HMGB1: variants seen among roughly 807,000 people sequenced by gnomAD.
HMGB1 encodes high mobility group protein B1.
For synonymous variants in HMGB1, 81 were observed against 84.0 expected, an observed-to-expected ratio of 0.96 and a Z score of 0.19; for missense variants, 79 against 253.5, an observed-to-expected ratio of 0.31 and a Z score of 4.67.
upstream of HMGB1, among the ~76,000 whole-genome samples, chr13:30,467,376 A>G (rs985918184): frequency 1.3e-5 from 2 of 152,190 alleles, no homozygotes; most frequent in Admixed American, 6.5e-5. Context: ...TATTTCCTCA[A>G]ATGTATTAAA....
chr13:30,533,907 C>T (rs574302967), intron 1 of HMGB1, among the ~76,000 whole-genome samples: 131 of 150,412 alleles, frequency 8.7e-4, no homozygotes, highest in Non-Finnish European at 1.5e-3. Flanking sequence ...TCTTGTTGCC[C>T]GGGCTGGAGT....
At chr13:30,544,235 G>A (rs1391035184) in intron 1 of HMGB1, among the ~76,000 whole-genome samples, 1 of 152,254 alleles carries the variant, frequency 6.6e-6, no homozygotes, top group Non-Finnish European at 1.5e-5. Flanking sequence ...GATAGTGGGA[G>A]CCTTCCAGTG....
chr13:30,556,467 C>T (rs187087392), intron 1 of HMGB1, among the ~76,000 whole-genome samples: 2 of 152,178 alleles, frequency 1.3e-5, no homozygotes, highest in Admixed American at 1.3e-4. Context: ...CCCATGTCTA[C>T]TGCAGCACTA....
chr13:30,570,864 G>A (rs1870395003), intron 1 of HMGB1, among the ~76,000 whole-genome samples: 1 of 152,058 alleles, frequency 6.6e-6, no homozygotes, highest in Non-Finnish European at 1.5e-5. Context: ...ATTTTCTGGG[G>A]GAGTTCTAAT....
At chr13:30,494,223 T>C (rs1292341061) in intron 1 of HMGB1, among the ~76,000 whole-genome samples, 2 of 152,230 alleles carry the variant, frequency 1.3e-5, no homozygotes, top group African/African-American at 4.8e-5. Context: ...CTAAGCTAGA[T>C]AGCTTGGCAA....
At chr13:30,585,629 G>A (rs1021492764) in intron 1 of HMGB1, among the ~76,000 whole-genome samples, 11 of 151,582 alleles carry the variant, frequency 7.3e-5, no homozygotes, top group African/African-American at 2.7e-4. Flanking sequence ...AGTCAGCCAA[G>A]ATCGAACTCC....
chr13:30,606,554 CA>C (rs1290572474), intron 1 of HMGB1, among the ~76,000 whole-genome samples: 7 of 152,280 alleles, frequency 4.6e-5, no homozygotes, highest in African/African-American at 1.7e-4. Flanking sequence ...TGCCTCCGAA[CA>C]CTTGAGGGTG....
At chr13:30,519,504 G>A (rs376142874) in intron 1 of HMGB1, among the ~76,000 whole-genome samples, 2 of 149,476 alleles carry the variant, frequency 1.3e-5, no homozygotes, top group Non-Finnish European at 3.0e-5. Flanking sequence ...GACCATCCCG[G>A]CTAACACAGT....
rs1217600062 is a variant in HMGB1, at chr13:30,492,770, C to T, written c.-14-29076G>A. ...CTTTGGGAGGCTGAGGCAGGCGGAT[C>T]ACCTGAGGTCAGGAGTTCGACACCA... On this transcript the variant is annotated intron_variant, in intron 1 of 4. Coordinates refer to the HMGB1 transcript ENST00000405805. 2.0e-5 allele frequency among the ~76,000 whole-genome samples: 3 copies of T among 152,098 alleles called. No individual in the cohort carries two copies. The East Asian group carries it at 5.8e-4, about 29-fold the overall frequency.
chr13:30,582,916 TCTCTG>T (rs1365218272), intron 1 of HMGB1, among the ~76,000 whole-genome samples: 2 of 152,156 alleles, frequency 1.3e-5, no homozygotes, highest in Non-Finnish European at 2.9e-5. Context: ...TATCCTACTA[TCTCTG>T]CTGCTACAAC....
chr13:30,547,899 CAG>C (rs1277584560), intron 1 of HMGB1, among the ~76,000 whole-genome samples: 3 of 152,076 alleles, frequency 2.0e-5, no homozygotes, highest in Non-Finnish European at 4.4e-5. Context: ...GCCTGAGCAA[CAG>C]AGTGAGTGAG....
Position 30,538,497 on chromosome 13 carries a change from T to TCTTTCTTTCTTTCCTTC in HMGB1, c.-14-74804_-14-74803insGAAGGAAAGAAAGAAAG, listed in dbSNP as rs1868588675. The stretch of plus-strand genomic sequence containing the variant: ...TTCTTTCTTTCTTTCTTTCTTTCTT[T>TCTTTCTTTCTTTCCTTC]CTTTCTTTCTTTCCTTTCTTTCTTT... On this transcript the variant is annotated intron_variant, in intron 1 of 4. Transcript: ENST00000405805. Among the ~76,000 whole-genome samples the TCTTTCTTTCTTTCCTTC allele has an allele frequency of 4.3e-5, 2 of 46,880 alleles. 1 individual carries two copies. 30.8% of individuals were successfully genotyped at this position (46,880 alleles called of 152,430 possible).
At chr13:30,548,104 G>C (rs1404390863) in intron 1 of HMGB1, among the ~76,000 whole-genome samples, 3 of 152,126 alleles carry the variant, frequency 2.0e-5, no homozygotes, top group Non-Finnish European at 4.4e-5. Flanking sequence ...GAGTTTGGCT[G>C]TGTCCTCACC....
chr13:30,490,072 G>T (rs1026529149), intron 1 of HMGB1, among the ~76,000 whole-genome samples: 1 of 145,986 alleles, frequency 6.8e-6, no homozygotes, highest in Non-Finnish European at 1.5e-5. Flanking sequence ...CTGATGTCCA[G>T]ATCCTGACTG....
chr13:30,459,078 A>G lies in HMGB1; in HGVS notation c.*2279T>C, dbSNP rs17074615. 3 of 152,000 alleles carry G rather than the reference A, an allele frequency of 2.0e-5. No homozygotes were observed. The highest frequency in any genetic ancestry group is 7.3e-5 in the African/African-American group (3 of 41,374). 9.4% of individuals were successfully genotyped at this position (152,000 alleles called of 1,614,324 possible). ...GATTTAGTCTTTTCTTGATGTCAACAAAGTCTTTAAACCCCACAGCACTGT... is the reference window on the plus strand; with the variant it reads ...GATTTAGTCTTTTCTTGATGTCAACGAAGTCTTTAAACCCCACAGCACTGT... On this transcript the variant is annotated 3_prime_UTR_variant, in exon 5 of 5. Coordinates refer to ENST00000341423, the MANE Select transcript of HMGB1 (RefSeq NM_002128.7).
intron 1 of HMGB1, among the ~76,000 whole-genome samples, chr13:30,549,063 C>T (rs1869296362): frequency 1.3e-5 from 2 of 152,020 alleles, no homozygotes; most frequent in South Asian, 4.1e-4. Flanking sequence ...TTTGGGAGGC[C>T]AAGTAGGAGG....
At chr13:30,565,950 C>G (rs1870167535) in intron 1 of HMGB1, among the ~76,000 whole-genome samples, 1 of 152,230 alleles carries the variant, frequency 6.6e-6, no homozygotes. Flanking sequence ...GCAAGGACAA[C>G]TTAGAAATAA....
chr13:30,464,156 A>C, intron 1 of HMGB1: 5 of 926,770 alleles, frequency 5.4e-6, no homozygotes, highest in Non-Finnish European at 6.4e-6. Context: ...AAAAAAAAAA[A>C]TCACCGTGCA....
intron 1 of HMGB1, among the ~76,000 whole-genome samples, chr13:30,516,009 C>T (rs1000700052): frequency 2.6e-5 from 4 of 152,198 alleles, no homozygotes; most frequent in Non-Finnish European, 4.4e-5. Flanking sequence ...ATGCTACATA[C>T]AACACTCCAC....
Sources: allele counts gnomAD v4.1 joint callset (sites outside exome capture counted in the v4.1 genomes callset), GRCh38; gene constraint gnomAD v4.1.1; transcripts MANE v1.5; gene names NCBI Gene and HGNC (gene_info 2026-07-23, HGNC 2026-07-21).